GBE1: variants seen among roughly 807,000 people sequenced by gnomAD.
GBE1 encodes the protein 1,4-alpha-glucan branching enzyme 1.
GBE1 carries 70 observed loss-of-function variants against 88.8 expected under a neutral mutation model. The observed-to-expected ratio is 0.79, with a 90% CI of 0.65 to 0.96. GBE1 has a LOEUF of 0.96. Ranked by LOEUF, GBE1 falls within the 40% of genes least tolerant of loss-of-function variation. The pLI is 0.00. For missense variants in GBE1, 872 were observed against 871.0 expected (o/e 1.00, Z -0.01); for synonymous variants, 284 against 300.1 (o/e 0.95, Z 0.56).
intron 1 of GBE1, among the ~76,000 whole-genome samples, chr3:81,747,614 A>T (rs1706434644): frequency 1.3e-5 from 2 of 152,238 alleles, no homozygotes; most frequent in Admixed American, 1.3e-4. Flanking sequence ...GTATACGCCC[A>T]GATGGCCTGA....
chr3:81,748,004 C>T (rs1181734589), intron 1 of GBE1, among the ~76,000 whole-genome samples: 1 of 152,196 alleles, frequency 6.6e-6, no homozygotes, highest in Non-Finnish European at 1.5e-5. Context: ...CCTGTAATCC[C>T]AGCTACTAGG....
chr3:81,680,556 G>A (rs1468564588), intron 2 of GBE1, among the ~76,000 whole-genome samples: 1 of 149,742 alleles, frequency 6.7e-6, no homozygotes, highest in Non-Finnish European at 1.5e-5. Flanking sequence ...ATCTATAATT[G>A]ACCAAAAATA....
chr3:81,511,145 C>T (rs538551908), intron 14 of GBE1, among the ~76,000 whole-genome samples: 1 of 151,928 alleles, frequency 6.6e-6, no homozygotes, highest in East Asian at 1.9e-4. Flanking sequence ...TGATAGTAGA[C>T]CTCGACCTTT....
intron 12 of GBE1, among the ~76,000 whole-genome samples, chr3:81,567,084 C>G (rs1216065543): frequency 6.6e-6 from 1 of 152,128 alleles, no homozygotes; most frequent in African/African-American, 2.4e-5. Flanking sequence ...ACTTTTAAAC[C>G]CACTCCATTC....
intron 12 of GBE1, among the ~76,000 whole-genome samples, chr3:81,568,031 T>A (rs910466119): frequency 6.6e-6 from 1 of 152,222 alleles, no homozygotes; most frequent in African/African-American, 2.4e-5. Context: ...TCCCCCAGCA[T>A]TTTCCCACCC....
intron 14 of GBE1, among the ~76,000 whole-genome samples, chr3:81,505,703 G>A (rs1008459757): frequency 6.6e-6 from 1 of 152,072 alleles, no homozygotes. Context: ...TAGATAATGT[G>A]CAGGTCTGTT....
intron 12 of GBE1, among the ~76,000 whole-genome samples, chr3:81,554,742 C>G (rs960552965): frequency 1.3e-5 from 2 of 152,190 alleles, no homozygotes; most frequent in African/African-American, 4.8e-5. Context: ...ATACTGGTAT[C>G]ATTCCAGGCT....
chr3:81,523,955 A>C (rs1242261344), intron 14 of GBE1, among the ~76,000 whole-genome samples: 1 of 151,850 alleles, frequency 6.6e-6, no homozygotes, highest in African/African-American at 2.4e-5. Flanking sequence ...TGCTACAATA[A>C]AAGAGGAGCG....
intron 7 of GBE1, among the ~76,000 whole-genome samples, chr3:81,622,407 GT>G (rs1185869069): frequency 1.3e-5 from 2 of 152,252 alleles, no homozygotes; most frequent in Non-Finnish European, 2.9e-5. Flanking sequence ...TCCAGCTTCT[GT>G]TTTTCTTCCT....
intron 3 of GBE1, among the ~76,000 whole-genome samples, chr3:81,652,527 T>G (rs1292026623): frequency 6.6e-6 from 1 of 152,178 alleles, no homozygotes; most frequent in Non-Finnish European, 1.5e-5. Context: ...TTTCTCCTTC[T>G]CTCTTATTCA....
At chr3:81,647,918 C>T (rs1209713318) in intron 5 of GBE1, among the ~76,000 whole-genome samples, 2 of 152,004 alleles carry the variant, frequency 1.3e-5, no homozygotes, top group African/African-American at 4.8e-5. Flanking sequence ...TAAGAGAATC[C>T]TTGTGCTGCT....
intron 8 of GBE1, 32 bp from the exon 9 acceptor site, chr3:81,591,196 A>G (rs1576161313): frequency 6.5e-7 from 1 of 1,544,328 alleles, no homozygotes; most frequent in South Asian, 1.2e-5. Flanking sequence ...CGGATATATT[A>G]TGTTAACAAG....
At chr3:81,717,383 G>C (rs891631242) in intron 1 of GBE1, among the ~76,000 whole-genome samples, 2 of 152,206 alleles carry the variant, frequency 1.3e-5, no homozygotes, top group African/African-American at 4.8e-5. Context: ...TCCTGAGAAT[G>C]TATGGTCAAC....
chr3:81,743,769 G>C (rs1706383796), intron 1 of GBE1: 1 of 544,906 alleles, frequency 1.8e-6, no homozygotes, highest in African/African-American at 1.9e-5. Context: ...TTATAGGACG[G>C]ACATGATGCA....
At chr3:81,543,277 A>G (rs1284929597) in intron 12 of GBE1, among the ~76,000 whole-genome samples, 1 of 152,112 alleles carries the variant, frequency 6.6e-6, no homozygotes, top group Non-Finnish European at 1.5e-5. Flanking sequence ...TGCATACAAC[A>G]AAGAGAGACA....
At chr3:81,679,114 G>T (rs1705302887) in intron 2 of GBE1, among the ~76,000 whole-genome samples, 1 of 151,990 alleles carries the variant, frequency 6.6e-6, no homozygotes, top group African/African-American at 2.4e-5. Context: ...AAAGAATATA[G>T]AACCTTATCT....
intron 14 of GBE1, among the ~76,000 whole-genome samples, chr3:81,534,475 T>A (rs1475242822): frequency 6.6e-6 from 1 of 151,922 alleles, no homozygotes; most frequent in African/African-American, 2.4e-5. Context: ...GTAAAATGCA[T>A]GAAAAAAGGA....
intron 1 of GBE1, among the ~76,000 whole-genome samples, chr3:81,706,414 T>C (rs897284233): frequency 2.0e-5 from 3 of 152,126 alleles, no homozygotes; most frequent in Admixed American, 6.6e-5. Flanking sequence ...ACTACCCTAT[T>C]TTCATTAGTA....
At position 81,705,609 on chromosome 3, in the gene GBE1, T is replaced by A; in HGVS notation, c.148A>T (p.Lys50Ter). ...PYAVDFQRRY[K>*]QFSQILKNIG... ...TTCTTCAAAATTTGGCTAAACTGCTTATACCTTTGAAGAAGTATGAAAGAA... is the reference window on the plus strand; with the variant it reads ...TTCTTCAAAATTTGGCTAAACTGCTAATACCTTTGAAGAAGTATGAAAGAA... Residue 50 changes from lysine (K) to a stop codon, truncating the protein, a stop_gained, in exon 2 of 16, where the codon AAG (lysine) becomes TAG (stop). Transcript: ENST00000429644. LOFTEE classifies it high-confidence loss of function. 1 of 1,541,832 alleles carries A rather than the reference T, an allele frequency of 6.5e-7. No homozygotes were observed. Among genetic ancestry groups the A allele is most frequent in the Non-Finnish European group, 8.7e-7 (1 of 1,143,704 alleles).
Sources: gnomAD v4.1 joint callset for allele counts (sites outside exome capture counted in the v4.1 genomes callset) on GRCh38, gnomAD v4.1.1 for gene constraint, MANE v1.5 for transcripts, NCBI Gene and HGNC (gene_info 2026-07-23, HGNC 2026-07-21) for gene names.